Variants in LCLAT1 observed in about 807,000 individuals in gnomAD.
LCLAT1 encodes the protein 1-AGP acyltransferase 8.
A neutral mutation model predicts 30.7 loss-of-function variants in LCLAT1; 11 were observed. The ratio of observed to expected loss-of-function variants is 0.36; its 90% CI spans 0.23 to 0.59. The LOEUF (loss-of-function observed/expected upper bound fraction) is 0.59, where lower values mean the gene tolerates loss of function less well. Among genes scored for constraint, LCLAT1 ranks in the 20% least tolerant of loss-of-function variants. The pLI is 0.77. For synonymous variants in LCLAT1, 155 were observed against 151.3 expected (o/e 1.02, Z -0.18); for missense variants, 402 against 458.6 (o/e 0.88, Z 1.13).
chr2:30,465,309 A>G (rs897304499), intron 1 of LCLAT1, among the ~76,000 whole-genome samples: 1 of 152,160 alleles, frequency 6.6e-6, no homozygotes, highest in African/African-American at 2.4e-5. Context: ...CCACAAGTCA[A>G]GGCATTCCCA....
chr2:30,552,952 C>T (rs1023603918), intron 3 of LCLAT1, among the ~76,000 whole-genome samples: 15 of 152,066 alleles, frequency 9.9e-5, no homozygotes, highest in Admixed American at 1.3e-4. Flanking sequence ...AAAATAATGT[C>T]GAAGGAGCAG....
rs769773231 is a variant in LCLAT1, at chr2:30,562,249, A to G, written c.468A>G (p.Glu156=). 7 of 1,612,742 alleles carry G rather than the reference A, an allele frequency of 4.3e-6. No homozygotes were observed. In the Admixed American group the frequency reaches 6.7e-5, roughly 15 times the overall value. Reference sequence around the variant, plus strand: ...TTGATTACTTTTGTGATATTCACGAACCACTTCAACTCCTCATATTCCCAG... The same window carrying G: ...TTGATTACTTTTGTGATATTCACGAGCCACTTCAACTCCTCATATTCCCAG... The part of the protein sequence containing the change: ...DMIDYFCDIH[E]PLQLLIFPEG... The change falls in exon 4 of 6, where the codon GAA becomes GAG. Residue 156 remains glutamate (E), a synonymous_variant. Coordinates refer to ENST00000379509, the MANE Select transcript of LCLAT1 (RefSeq NM_001002257.3).
chr2:30,535,321 G>T (rs1426314982), intron 3 of LCLAT1, among the ~76,000 whole-genome samples: 2 of 152,150 alleles, frequency 1.3e-5, no homozygotes, highest in Non-Finnish European at 2.9e-5. Flanking sequence ...TCTTTATGAA[G>T]AGTACTAAGA....
intron 5 of LCLAT1, among the ~76,000 whole-genome samples, chr2:30,586,227 G>T (rs1016568747): frequency 7.4e-5 from 9 of 121,498 alleles, no homozygotes; most frequent in African/African-American, 3.2e-4. Context: ...GGGTGACAGA[G>T]CAAGACTCCG....
At chr2:30,610,579 A>G (rs1667688207) in intron 5 of LCLAT1, among the ~76,000 whole-genome samples, 3 of 152,174 alleles carry the variant, frequency 2.0e-5, no homozygotes, top group East Asian at 1.9e-4. Context: ...TTGTTTGAAT[A>G]GTTATATAAG....
intron 1 of LCLAT1, among the ~76,000 whole-genome samples, chr2:30,462,571 G>A (rs1163369774): frequency 6.6e-6 from 1 of 152,160 alleles, no homozygotes; most frequent in Non-Finnish European, 1.5e-5. Context: ...TTATCTGGGG[G>A]AAACTTCTGA....
chr2:30,508,862 T>C (rs998971703), intron 1 of LCLAT1, among the ~76,000 whole-genome samples: 5 of 152,226 alleles, frequency 3.3e-5, no homozygotes, highest in Non-Finnish European at 5.9e-5. Context: ...TTGTGTAGTA[T>C]GGCCATTTTA....
Position 30,519,216 on chromosome 2 carries a change from A to ATCTT in LCLAT1, c.-4-6369_-4-6366dup, listed in dbSNP as rs555189224. ...TCAGGCCATACATTTCAATCCCTGT[A>ATCTT]TCTTTAACCTCCTTGTTAAGTTTGT... On this transcript the variant is annotated intron_variant, in intron 1 of 5. Coordinates refer to ENST00000379509, the MANE Select transcript of LCLAT1 (RefSeq NM_001002257.3). Among the ~76,000 whole-genome samples, 7 of 152,302 alleles carry ATCTT rather than the reference A, an allele frequency of 4.6e-5. No homozygotes were observed. The South Asian group carries it at 1.2e-3, about 27-fold the overall frequency.
chr2:30,527,215 C>T (rs1685763918), intron 2 of LCLAT1, among the ~76,000 whole-genome samples: 2 of 152,046 alleles, frequency 1.3e-5, no homozygotes, highest in Admixed American at 6.6e-5. Flanking sequence ...GTTTTCATGT[C>T]ATTTATGTAA....
intron 5 of LCLAT1, among the ~76,000 whole-genome samples, chr2:30,617,078 G>A (rs762755979): frequency 7.2e-5 from 11 of 152,110 alleles, no homozygotes; most frequent in Non-Finnish European, 1.3e-4. Flanking sequence ...CTCATTTTAA[G>A]TGTACAGTTA....
intron 5 of LCLAT1, among the ~76,000 whole-genome samples, chr2:30,600,446 A>G (rs1558546856): frequency 6.6e-6 from 1 of 152,194 alleles, no homozygotes; most frequent in Non-Finnish European, 1.5e-5. Flanking sequence ...TAACATCACA[A>G]CTAAAAGAAC....
chr2:30,621,556 G>A (rs1438605718), intron 5 of LCLAT1, among the ~76,000 whole-genome samples: 1 of 152,126 alleles, frequency 6.6e-6, no homozygotes, highest in East Asian at 1.9e-4. Flanking sequence ...AGAATCCACA[G>A]ACCCTTTGAT....
chr2:30,548,364 G>A (rs1409663245), intron 3 of LCLAT1, among the ~76,000 whole-genome samples: 1 of 152,108 alleles, frequency 6.6e-6, no homozygotes, highest in Non-Finnish European at 1.5e-5. Flanking sequence ...GGGAGCCACG[G>A]GACATCAATC....
chr2:30,561,453 G>C (rs1035433954), intron 3 of LCLAT1, among the ~76,000 whole-genome samples: 2 of 152,134 alleles, frequency 1.3e-5, no homozygotes, highest in Non-Finnish European at 2.9e-5. Context: ...GCCTCAGTTA[G>C]GTATCTACTG....
Position 30,504,472 on chromosome 2 carries a change from A to G in LCLAT1, c.-4-21115A>G, listed in dbSNP as rs571388204. On this transcript the variant is annotated intron_variant, in intron 1 of 5. Coordinates refer to ENST00000379509, the MANE Select transcript of LCLAT1 (RefSeq NM_001002257.3). ...TGCCAATGTAGTTTTAGTTTACTAAATACTTTTATCATTCCTATCTCAATT... is the reference window on the plus strand; with the variant it reads ...TGCCAATGTAGTTTTAGTTTACTAAGTACTTTTATCATTCCTATCTCAATT... Among the ~76,000 whole-genome samples the G allele has an allele frequency of 2.6e-5, 4 of 152,270 alleles. No homozygotes were observed. The South Asian group carries it at 8.3e-4, about 32-fold the overall frequency.
chr2:30,485,019 T>C (rs1481783309), intron 1 of LCLAT1, among the ~76,000 whole-genome samples: 3 of 152,128 alleles, frequency 2.0e-5, no homozygotes, highest in African/African-American at 7.2e-5. Flanking sequence ...CCTGACTAAT[T>C]AAATTATCCA....
In LCLAT1 at chr2:30,506,186, C is replaced by T. The variant is rs757572832; in HGVS notation, c.-4-19401C>T. ...TGTTATCTTGTAACTTCTTTTTGTT[C>T]CTAAGAAAGTATTATTCTTTTGTTC... On this transcript the variant is annotated intron_variant, in intron 1 of 5. Transcript: ENST00000379509. 2.6e-4 allele frequency among the ~76,000 whole-genome samples: 39 copies of T among 151,974 alleles called. 2 individuals carry two copies. The highest frequency in any genetic ancestry group is 8.8e-5 in the Non-Finnish European group (6 of 67,966).
chr2:30,621,049 C>A (rs569903190), intron 5 of LCLAT1, among the ~76,000 whole-genome samples: 39 of 152,260 alleles, frequency 2.6e-4, no homozygotes, highest in African/African-American at 9.1e-4. Flanking sequence ...CTGCTATGAT[C>A]CTATTTCCAA....
Position 30,475,346 on chromosome 2 carries a change from G to A in LCLAT1, c.-5+27963G>A, listed in dbSNP as rs531156060. Reference sequence around the variant, plus strand: ...TTCTTTTTGGCACTGGGTCTTTTTTGGATAGCTGGTGGTGACTTGGAGGCT... The same window carrying A: ...TTCTTTTTGGCACTGGGTCTTTTTTAGATAGCTGGTGGTGACTTGGAGGCT... On this transcript the variant is annotated intron_variant, in intron 1 of 5. Transcript: ENST00000379509. Among the ~76,000 whole-genome samples, 4 of 152,128 alleles carry A rather than the reference G, an allele frequency of 2.6e-5. No homozygotes were observed. In the East Asian group the frequency reaches 7.7e-4, roughly 29 times the overall value.
Sources: allele counts gnomAD v4.1 joint callset (sites outside exome capture counted in the v4.1 genomes callset), GRCh38; gene constraint gnomAD v4.1.1; transcripts MANE v1.5; gene names NCBI Gene and HGNC (gene_info 2026-07-23, HGNC 2026-07-21).